LARGE1: variants seen among roughly 807,000 people sequenced by gnomAD.
LARGE1 encodes the protein LARGE xylosyl- and glucuronyltransferase 1, also known as xylosyl- and glucuronyltransferase LARGE1.
LARGE1 carries 43 observed loss-of-function variants against 87.6 expected under a neutral mutation model. That is an observed-to-expected ratio of 0.49 (90% CI 0.38 to 0.63). The LOEUF (loss-of-function observed/expected upper bound fraction) is 0.63, where lower values mean the gene tolerates loss of function less well. Ranked by LOEUF, LARGE1 falls within the 30% of genes least tolerant of loss-of-function variation. The probability of loss-of-function intolerance (pLI) is 0.00; values close to 1 mark genes in which losing one functional copy is unlikely to be tolerated. For synonymous variants in LARGE1, 434 were observed against 394.6 expected, an observed-to-expected ratio of 1.10 and a Z score of -1.18; for missense variants, 802 against 1,000.2, an observed-to-expected ratio of 0.80 and a Z score of 2.67.
chr22:33,526,252 G>A (rs996914951), intron 6 of LARGE1, among the ~76,000 whole-genome samples: 12 of 152,304 alleles, frequency 7.9e-5, no homozygotes, highest in African/African-American at 2.9e-4. Context: ...TTCTACAGAG[G>A]ATTAGTGGAG....
At chr22:33,233,093 G>A (rs1336109915) in intron 11 of LARGE1, among the ~76,000 whole-genome samples, 3 of 152,180 alleles carry the variant, frequency 2.0e-5, no homozygotes, top group African/African-American at 7.2e-5. Flanking sequence ...TCCAAGGGCT[G>A]CTAAACCTCG....
chr22:33,285,841 C>T (rs771731470), intron 12 of LARGE1, among the ~76,000 whole-genome samples: 4 of 152,052 alleles, frequency 2.6e-5, no homozygotes, highest in Non-Finnish European at 5.9e-5. Context: ...AGCAGGGCTT[C>T]GTATCATTGA....
chr22:33,892,533 A>C (rs1231033018), intron 1 of LARGE1, among the ~76,000 whole-genome samples: 1 of 152,242 alleles, frequency 6.6e-6, no homozygotes, highest in Non-Finnish European at 1.5e-5. Flanking sequence ...ACGTGTGAAG[A>C]TTTGAGGCCA....
chr22:33,580,865 G>T (rs2078499299), intron 5 of LARGE1, among the ~76,000 whole-genome samples: 1 of 152,192 alleles, frequency 6.6e-6, no homozygotes, highest in South Asian at 2.1e-4. Context: ...AATTCAGCCT[G>T]GCTGAGTGGT....
chr22:33,880,477 A>G (rs897112990), intron 1 of LARGE1, among the ~76,000 whole-genome samples: 3 of 152,198 alleles, frequency 2.0e-5, no homozygotes, highest in African/African-American at 4.8e-5. Context: ...AGAGACAGAG[A>G]TAAGGCCCAG....
At chr22:33,292,302 T>C (rs1011022461) in intron 12 of LARGE1, among the ~76,000 whole-genome samples, 1 of 152,120 alleles carries the variant, frequency 6.6e-6, no homozygotes, top group Non-Finnish European at 1.5e-5. Context: ...CAAACCCAAT[T>C]TGATGCCATC....
chr22:33,786,102 C>T (rs2085632014), intron 1 of LARGE1, among the ~76,000 whole-genome samples: 1 of 152,046 alleles, frequency 6.6e-6, no homozygotes, highest in Admixed American at 6.5e-5. Flanking sequence ...TTCTAAATTA[C>T]AAAAATTCCT....
intron 6 of LARGE1, among the ~76,000 whole-genome samples, chr22:33,512,407 G>A (rs1461201324): frequency 2.0e-5 from 3 of 152,154 alleles, no homozygotes; most frequent in East Asian, 1.9e-4. Flanking sequence ...TACAAAGATC[G>A]ATAATATTAA....
chr22:33,460,627 C>T (rs143873668), intron 6 of LARGE1, among the ~76,000 whole-genome samples: 99 of 152,240 alleles, frequency 6.5e-4, no homozygotes, highest in African/African-American at 2.0e-3. Flanking sequence ...GCTAAGCAAG[C>T]TGAAGGCAGT....
intron 1 of LARGE1, among the ~76,000 whole-genome samples, chr22:33,877,461 T>C (rs1342892121): frequency 8.5e-5 from 13 of 152,310 alleles, no homozygotes; most frequent in South Asian, 4.1e-4. Context: ...CAAACCTTCA[T>C]TGAATGACTT....
chr22:33,121,950 A>T, the LARGE1 span, among the ~76,000 whole-genome samples: 1 of 152,012 alleles, frequency 6.6e-6, no homozygotes, highest in Admixed American at 6.6e-5. Flanking sequence ...CATGGGAAAG[A>T]CCCACCCCCA....
intron 5 of LARGE1, among the ~76,000 whole-genome samples, chr22:33,588,499 A>G (rs2078742899): frequency 7.5e-6 from 1 of 134,204 alleles, no homozygotes; most frequent in Non-Finnish European, 1.6e-5. Flanking sequence ...AACAAGGAAC[A>G]TATATGTGTG....
In LARGE1 at chr22:33,920,447, T is replaced by C. The variant is rs1339789655; in HGVS notation, c.-535A>G. 1 of 145,016 alleles carries C rather than the reference T, an allele frequency of 6.9e-6. No individual in the cohort carries two copies. Among genetic ancestry groups the C allele is most frequent in the African/African-American group, 2.5e-5 (1 of 39,676 alleles). The allele number at this position is 145,016 out of a possible 1,614,324, so 9.0% of individuals were successfully genotyped here. ...CGCCCCCAGCTTCGGGCGCCCGGGCTCCGGCGCGGCGGCGGGGCAGGAGCA... is the reference window on the plus strand; with the variant it reads ...CGCCCCCAGCTTCGGGCGCCCGGGCCCCGGCGCGGCGGCGGGGCAGGAGCA... On this transcript the variant is annotated 5_prime_UTR_variant, in exon 1 of 15. Transcript: ENST00000397394.
At chr22:33,074,100 G>C in the LARGE1 span, among the ~76,000 whole-genome samples, 1 of 152,092 alleles carries the variant, frequency 6.6e-6, no homozygotes, top group African/African-American at 2.4e-5. Context: ...AGCGTGACTG[G>C]GTGAATCAGC....
chr22:33,609,832 G>T lies in LARGE1; in HGVS notation c.492-5274C>A, dbSNP rs564064813. ...CATGATGTGAATTTTCTCAAGATCT[G>T]GTTGTTTAAAAAAAGAGAAACTCTT... On this transcript the variant is annotated intron_variant, in intron 4 of 14. Transcript: ENST00000397394. Among the ~76,000 whole-genome samples the T allele has an allele frequency of 3.9e-5, 6 of 151,964 alleles. No individual in the cohort carries two copies. The South Asian group carries it at 6.3e-4, about 16-fold the overall frequency.
chr22:33,276,175 C>G (rs1359219099), intron 14 of LARGE1, among the ~76,000 whole-genome samples: 4 of 150,274 alleles, frequency 2.7e-5, no homozygotes, highest in Non-Finnish European at 5.9e-5. Flanking sequence ...GCACTGTGCA[C>G]CAGGAGGAGA....
At chr22:33,210,032 C>T (rs546836901) in intron 11 of LARGE1, among the ~76,000 whole-genome samples, 2 of 152,368 alleles carry the variant, frequency 1.3e-5, no homozygotes, top group Middle Eastern at 6.8e-3. Context: ...CAATCCTCTA[C>T]TAATTCACAC....
chr22:33,210,094 G>A (rs1924880976), intron 11 of LARGE1, among the ~76,000 whole-genome samples: 1 of 152,188 alleles, frequency 6.6e-6, no homozygotes. Context: ...AGCTTTCCTG[G>A]TATGCAGCCA....
intron 11 of LARGE1, among the ~76,000 whole-genome samples, chr22:33,182,067 C>T (rs1273985585): frequency 1.3e-5 from 2 of 152,194 alleles, no homozygotes; most frequent in South Asian, 4.2e-4. Context: ...AGTAATCTCC[C>T]CGCCTTGGCC....
Sources: allele counts gnomAD v4.1 joint callset (sites outside exome capture counted in the v4.1 genomes callset), GRCh38; gene constraint gnomAD v4.1.1; transcripts MANE v1.5; gene names NCBI Gene and HGNC (gene_info 2026-07-23, HGNC 2026-07-21).